TMEM222: variants seen among roughly 807,000 people sequenced by gnomAD.
The protein encoded by TMEM222 is transmembrane protein 222, also known as chromosome 1 open reading frame 160.
Under a neutral mutation model 25.1 loss-of-function variants are expected in TMEM222, and 18 were observed. That is an observed-to-expected ratio of 0.72 (90% confidence interval 0.50 to 1.06). TMEM222 has a LOEUF of 1.06. Ranked by LOEUF, TMEM222 falls within the 50% of genes least tolerant of loss-of-function variation. TMEM222 has a pLI of 0.00. For synonymous variants in TMEM222, 131 were observed against 117.9 expected (o/e 1.11, Z -0.72); for missense variants, 296 against 293.7 (o/e 1.01, Z -0.06).
intron 1 of TMEM222, among the ~76,000 whole-genome samples, chr1:27,328,208 C>A (rs974066940): frequency 1.3e-5 from 2 of 152,114 alleles, no homozygotes; most frequent in African/African-American, 4.8e-5. Flanking sequence ...AGTGAGGAGT[C>A]AGCTGTGCCA....
chr1:27,322,494 C>T (rs2014229594), intron 1 of TMEM222, 103 bp downstream of exon 1: 1 of 1,146,974 alleles, frequency 8.7e-7, no homozygotes. Context: ...GCCTTTTCCT[C>T]GGGTCTGGCC....
intron 1 of TMEM222, among the ~76,000 whole-genome samples, chr1:27,327,565 T>G (rs1276623958): frequency 6.6e-6 from 1 of 152,154 alleles, no homozygotes; most frequent in Non-Finnish European, 1.5e-5. Context: ...ATTTTTGTAT[T>G]TTTAGTATAG....
chr1:27,334,308 C>T (rs2148019186), intron 5 of TMEM222, 27 bp downstream of exon 5: 1 of 1,613,656 alleles, frequency 6.2e-7, no homozygotes. Flanking sequence ...CCTGCCCACC[C>T]ACACACTGCC....
At chr1:27,329,200 G>A (rs898635065) in intron 1 of TMEM222, among the ~76,000 whole-genome samples, 1 of 147,594 alleles carries the variant, frequency 6.8e-6, no homozygotes, top group African/African-American at 2.5e-5. Flanking sequence ...TGTCATGACC[G>A]CCCACCTTTT....
intron 3 of TMEM222, chr1:27,332,303 C>T: frequency 1.4e-6 from 1 of 705,672 alleles, no homozygotes; most frequent in Non-Finnish European, 2.6e-6. Flanking sequence ...GGGCCTTTAC[C>T]TGTAGACCAT....
At position 27,334,264 on chromosome 1, in the gene TMEM222, C is replaced by T. The variant is rs768649948; in HGVS notation, c.522C>T (p.Leu174=). 1 of 1,614,122 alleles carries T rather than the reference C, an allele frequency of 6.2e-7. No homozygotes were observed. Among genetic ancestry groups the T allele is most frequent in the Non-Finnish European group, 8.5e-7 (1 of 1,180,050 alleles). The part of the protein sequence containing the change: ...NMVTLCFFCL[L]YGKYVSVGAF... Reference sequence around the variant, plus strand: ...TGACGCTCTGCTTCTTCTGCCTGCTCTACGGGAAGTACGTCAGGTGAGCTG... The same window carrying T: ...TGACGCTCTGCTTCTTCTGCCTGCTTTACGGGAAGTACGTCAGGTGAGCTG... Residue 174 remains leucine (L), a synonymous_variant, in exon 5 of 6, where the codon CTC becomes CTT. Transcript: ENST00000374076.
chr1:27,330,978 C>A (rs1232784018), intron 2 of TMEM222, 174 bp downstream of exon 2: 1 of 1,493,466 alleles, frequency 6.7e-7, no homozygotes, highest in African/African-American at 1.4e-5. Context: ...CCTTCTCTTG[C>A]CTCCAGGACA....
chr1:27,322,322 G>T lies in TMEM222; in HGVS notation c.125G>T (p.Gly42Val). 1 of 1,551,738 alleles carries T rather than the reference G, an allele frequency of 6.4e-7. No homozygotes were observed. The highest frequency in any genetic ancestry group is 8.7e-7 in the Non-Finnish European group (1 of 1,145,206). The change falls in exon 1 of 6, where the codon GGC becomes GTC. Residue 42 changes from glycine to valine, a missense_variant. Transcript: ENST00000374076. ...ATGAAGCAATATCAAGGCTCCGGCG[G>T]CGTCGCCATGGATGTGGAACGGAGT... ...TDMKQYQGSG[G>V]VAMDVERSRF...
At position 27,335,546 on chromosome 1, in the gene TMEM222, T is replaced by G. The variant is rs2014585522; in HGVS notation, c.*80T>G. The stretch of plus-strand genomic sequence containing the variant: ...CTTTTGGTTCCAGATTTTTTTCTCC[T>G]CACCCCAAAAGGCAGGGTTGGGCCT... On this transcript the variant is annotated 3_prime_UTR_variant, in exon 6 of 6. Coordinates refer to ENST00000374076, the MANE Select transcript of TMEM222 (RefSeq NM_032125.3). 1 of 1,454,234 alleles carries G rather than the reference T, an allele frequency of 6.9e-7. No individual in the cohort carries two copies. The highest frequency in any genetic ancestry group is 2.3e-5 in the East Asian group (1 of 43,722). 90.1% of individuals were successfully genotyped at this position (1,454,234 alleles called of 1,614,324 possible). A position where few individuals can be genotyped will look rare whatever the true frequency, so the allele number is the denominator to read the frequency against.
At chr1:27,333,141 C>G in intron 3 of TMEM222, 1 of 359,694 alleles carries the variant, frequency 2.8e-6, no homozygotes, top group Non-Finnish European at 5.6e-6. Context: ...GGGTAAACTC[C>G]CCGCGTGATG....
At position 27,333,994 on chromosome 1, in the gene TMEM222, C is replaced by T. The variant is rs199818324; in HGVS notation, c.348C>T (p.Ser116=). Residue 116 remains serine (S), a synonymous_variant, in exon 4 of 6, where the codon AGC becomes AGT. Transcript: ENST00000374076. ...WKLDPAQVYA[S]GPNAWDTAVH... is the part of the protein sequence containing the mutation. ...TGGACCCTGCTCAGGTCTATGCTAGCGGGCCCAACGCATGGGACACGGCTG... is the reference window on the plus strand; with the variant it reads ...TGGACCCTGCTCAGGTCTATGCTAGTGGGCCCAACGCATGGGACACGGCTG... 2.8e-5 allele frequency: 45 copies of T among 1,614,014 alleles called. No homozygotes were observed. The highest frequency in any genetic ancestry group is 3.5e-5 in the Non-Finnish European group (41 of 1,180,026).
chr1:27,333,515 G>A, intron 3 of TMEM222: 1 of 457,622 alleles, frequency 2.2e-6, no homozygotes, highest in South Asian at 1.6e-5. Flanking sequence ...GGTAGAGTCA[G>A]TGTCTGGTGA....
rs1472227139 is a variant in TMEM222 at position 27,322,313 on chromosome 1, G to T, written c.116G>T (p.Gly39Val). The T allele has an allele frequency of 6.4e-7, 1 of 1,556,076 alleles. No homozygotes were observed. Among genetic ancestry groups the T allele is most frequent in the Non-Finnish European group, 8.7e-7 (1 of 1,147,318 alleles). Residue 39 changes from glycine to valine, a missense_variant, in exon 1 of 6, where the codon GGC becomes GTC. Gly to Val is a moderately radical substitution (Grantham distance 109, BLOSUM62 -3). Transcript: ENST00000374076. ...AAETDMKQYQ[G>V]SGGVAMDVER... ...GAGACGGACATGAAGCAATATCAAGGCTCCGGCGGCGTCGCCATGGATGTG... is the reference window on the plus strand; with the variant it reads ...GAGACGGACATGAAGCAATATCAAGTCTCCGGCGGCGTCGCCATGGATGTG...
At chr1:27,327,378 T>C (rs946166133) in intron 1 of TMEM222, among the ~76,000 whole-genome samples, 2 of 152,122 alleles carry the variant, frequency 1.3e-5, no homozygotes, top group African/African-American at 4.8e-5. Flanking sequence ...TTGTTTGTTG[T>C]TTTTAATTTT....
chr1:27,330,579 C>A, intron 1 of TMEM222, 141 bp from the exon 2 acceptor site: 1 of 720,158 alleles, frequency 1.4e-6, no homozygotes, highest in Non-Finnish European at 2.4e-6. Context: ...CTTCCCCAGC[C>A]TTCTGGACCA....
At chr1:27,335,136 G>A (rs769882940) in intron 5 of TMEM222, 3 of 568,820 alleles carry the variant, frequency 5.3e-6, no homozygotes, top group East Asian at 2.9e-5. Flanking sequence ...CCCAACCAGC[G>A]AGGTGTCAGT....
chr1:27,327,915 T>A (rs570537765), intron 1 of TMEM222, among the ~76,000 whole-genome samples: 4 of 152,376 alleles, frequency 2.6e-5, no homozygotes, highest in Admixed American at 6.5e-5. Flanking sequence ...CCCCAGACTC[T>A]ACTCTTAAAT....
chr1:27,335,245 T>G, intron 5 of TMEM222, 134 bp from the exon 6 acceptor site: 3 of 830,466 alleles, frequency 3.6e-6, no homozygotes, highest in Non-Finnish European at 5.9e-6. Context: ...ATTGGCCAAG[T>G]TTGGGGTGAG....
At chr1:27,324,040 CAG>C (rs973654673) in intron 1 of TMEM222, among the ~76,000 whole-genome samples, 30 of 152,012 alleles carry the variant, frequency 2.0e-4, no homozygotes, top group African/African-American at 7.2e-4. Flanking sequence ...GTGAAAATAA[CAG>C]GGGCCGGGCG....
Sources: gnomAD v4.1 joint callset for allele counts (sites outside exome capture counted in the v4.1 genomes callset) on GRCh38, gnomAD v4.1.1 for gene constraint, MANE v1.5 for transcripts, NCBI Gene and HGNC (gene_info 2026-07-23, HGNC 2026-07-21) for gene names.